Variants in PRPF8 observed in about 807,000 individuals in gnomAD.
PRPF8 encodes pre-mRNA-processing-splicing factor 8.
PRPF8 carries 64 observed loss-of-function variants against 285.9 expected under a neutral mutation model. The observed-to-expected ratio is 0.22, with a 90% CI of 0.18 to 0.28. The LOEUF is 0.28. Among genes scored for constraint, PRPF8 ranks in the 10% least tolerant of loss-of-function variants. The pLI, the probability that PRPF8 is intolerant of heterozygous loss-of-function variation, is 1.00. For synonymous variants in PRPF8, 1,325 were observed against 1,118.2 expected (o/e 1.18, Z -3.69); for missense variants, 1,426 against 3,026.7 (o/e 0.47, Z 12.41).
intron 36 of PRPF8, among the ~76,000 whole-genome samples, chr17:1,655,867 C>T (rs187459396): frequency 0.013 from 1,982 of 151,030 alleles, 43 homozygotes; most frequent in African/African-American, 0.046. Flanking sequence ...ACCTCGTGAT[C>T]CGCCGCCTCG....
In PRPF8 at chr17:1,676,452, C is replaced by T; in HGVS notation, c.2388+53G>A. 1 of 1,614,018 alleles carries T rather than the reference C, an allele frequency of 6.2e-7. No homozygotes were observed. Among genetic ancestry groups the T allele is most frequent in the South Asian group, 1.1e-5 (1 of 91,082 alleles). On this transcript the variant is annotated intron_variant, in intron 16 of 42. Transcript: ENST00000304992. The surrounding 1 kb of genome is among the most constrained non-coding windows in gnomAD (Gnocchi z 6.3). The stretch of plus-strand genomic sequence containing the variant: ...GTTCAGTCACAACTCTACAGTCCTC[C>T]CTCTTGCCCACTCCCCCACCACTCA...
chr17:1,657,999 G>A lies in PRPF8; in HGVS notation c.5505+254C>T, dbSNP rs567291016. Among the ~76,000 whole-genome samples, 60 of 150,270 alleles carry A rather than the reference G, an allele frequency of 4.0e-4. No individual in the cohort carries two copies. The East Asian group carries it at 9.2e-3, about 23-fold the overall frequency. Reference sequence around the variant, plus strand: ...AAAAAAAAAAAAAAAAAGAGTATGCGTTGCCTTTGGAAAAATGATTTTTGA... The same window carrying A: ...AAAAAAAAAAAAAAAAAGAGTATGCATTGCCTTTGGAAAAATGATTTTTGA... On this transcript the variant is annotated intron_variant, in intron 34 of 42. Transcript: ENST00000304992.
At chr17:1,662,241 C>T in intron 24 of PRPF8, 88 bp from the exon 25 acceptor site, 4 of 1,443,902 alleles carry the variant, frequency 2.8e-6, no homozygotes, top group Non-Finnish European at 3.8e-6. Context: ...TTTATCCCTA[C>T]TACTAAAGAA....
chr17:1,655,775 T>A (rs1911345226), intron 36 of PRPF8, among the ~76,000 whole-genome samples: 3 of 151,954 alleles, frequency 2.0e-5, no homozygotes, highest in Admixed American at 1.3e-4. Flanking sequence ...GACAGGCACC[T>A]GCCACCACGC....
intron 36 of PRPF8, 25 bp downstream of exon 36, chr17:1,656,367 G>T: frequency 6.2e-7 from 1 of 1,614,044 alleles, no homozygotes; most frequent in Non-Finnish European, 8.5e-7. Flanking sequence ...CTCCTCCAGC[G>T]ATCTTCTCTT....
intron 34 of PRPF8, among the ~76,000 whole-genome samples, chr17:1,657,427 C>T (rs1345101661): frequency 2.0e-5 from 3 of 152,022 alleles, no homozygotes; most frequent in African/African-American, 2.4e-5. Context: ...GGGCGGATCA[C>T]GAGGTCAGGA....
At position 1,658,245 on chromosome 17, in the gene PRPF8, C is replaced by G. The variant is rs1435027277; in HGVS notation, c.5505+8G>C. 1 of 1,614,150 alleles carries G rather than the reference C, an allele frequency of 6.2e-7. No homozygotes were observed. The highest frequency in any genetic ancestry group is 1.1e-5 in the South Asian group (1 of 91,084). Reference sequence around the variant, plus strand: ...TTCTACAGCCTCTTCATCTTTAAACCTGCTCACCTGCCCCAAACGCTTCTG... The same window carrying G: ...TTCTACAGCCTCTTCATCTTTAAACGTGCTCACCTGCCCCAAACGCTTCTG... On this transcript the variant is annotated splice_region_variant and intron_variant, in intron 34 of 42. Coordinates refer to ENST00000304992, the MANE Select transcript of PRPF8 (RefSeq NM_006445.4). This position sits in a 1 kb window ranked among gnomAD's most constrained non-coding sequence, Gnocchi z 4.1.
rs1912815707 is a variant in PRPF8 at position 1,679,909 on chromosome 17, TG to T, written c.1099-111del. 7.6e-6 allele frequency: 10 copies of T among 1,323,910 alleles called. No homozygotes were observed. Among genetic ancestry groups the T allele is most frequent in the Admixed American group, 3.4e-5 (2 of 58,630 alleles). 82.0% of individuals were successfully genotyped at this position (1,323,910 alleles called of 1,614,324 possible). ...CAAAGCCTGTATCTGCTATGGAAACTGGGCTGTCTGACAAAAGCAGCCCTGA... is the reference window on the plus strand; with the variant it reads ...CAAAGCCTGTATCTGCTATGGAAACTGGCTGTCTGACAAAAGCAGCCCTGA... On this transcript the variant is annotated intron_variant, in intron 8 of 42. Coordinates refer to ENST00000304992, the MANE Select transcript of PRPF8 (RefSeq NM_006445.4). The surrounding 1 kb of genome is among the most constrained non-coding windows in gnomAD (Gnocchi z 4.7).
In PRPF8 at chr17:1,676,681, T is replaced by C; in HGVS notation, c.2212A>G (p.Met738Val). 6.2e-7 allele frequency: 1 copy of C among 1,614,086 alleles called. No homozygotes were observed. Among genetic ancestry groups the C allele is most frequent in the Non-Finnish European group, 8.5e-7 (1 of 1,180,030 alleles). Residue 738 changes from methionine to valine, a missense_variant, in exon 16 of 43, where the codon ATG becomes GTG. By Grantham distance (21) the Met-to-Val change is conservative. Around this residue, in one of 34 missense-constraint regions of PRPF8, gnomAD observed 30 missense variants for 61.0 expected, o/e 0.49. Transcript: ENST00000304992. The surrounding 1 kb of genome is among the most constrained non-coding windows in gnomAD (Gnocchi z 6.3). ...VPGLPTPIEN[M>V]ILRYVKAKAD... is the part of the protein sequence containing the mutation. ...TTGGCCTTCACGTATCGAAGGATCA[T>C]ATTCTCTATGGGCGTCGGCAGCCCA...
At chr17:1,667,877 T>C (rs1457126813) in intron 24 of PRPF8, among the ~76,000 whole-genome samples, 1 of 152,124 alleles carries the variant, frequency 6.6e-6, no homozygotes, top group Non-Finnish European at 1.5e-5. Flanking sequence ...AGGATCTTGC[T>C]ATGTTGCCTA....
At position 1,658,596 on chromosome 17, in the gene PRPF8, C is replaced by T; in HGVS notation, c.5306G>A (p.Gly1769Asp). The change falls in exon 33 of 43, where the codon GGT (glycine) becomes GAT (aspartate). Residue 1769 changes from glycine to aspartate, a missense_variant. Physicochemically the swap from Gly to Asp is moderately conservative, Grantham distance 94. Coordinates refer to ENST00000304992, the MANE Select transcript of PRPF8 (RefSeq NM_006445.4). This position sits in a 1 kb window ranked among gnomAD's most constrained non-coding sequence, Gnocchi z 4.1. ...TEPYLSSQNY[G>D]ELFSNQIIWF... ...GATAATCTGGTTGGAGAAGAGCTCACCATAGTTCTGAGAAGACAAATAAGG... is the reference window on the plus strand; with the variant it reads ...GATAATCTGGTTGGAGAAGAGCTCATCATAGTTCTGAGAAGACAAATAAGG... 6.2e-7 allele frequency: 1 copy of T among 1,614,154 alleles called. No individual in the cohort carries two copies. Among genetic ancestry groups the T allele is most frequent in the Non-Finnish European group, 8.5e-7 (1 of 1,180,002 alleles).
At chr17:1,671,240 G>A (rs972708268) in intron 24 of PRPF8, among the ~76,000 whole-genome samples, 1 of 152,138 alleles carries the variant, frequency 6.6e-6, no homozygotes, top group Non-Finnish European at 1.5e-5. Context: ...CTGGGCTAGA[G>A]CAATCACTAA....
At chr17:1,677,830 G>T in intron 13 of PRPF8, 136 bp from the exon 14 acceptor site, 6 of 1,123,484 alleles carry the variant, frequency 5.3e-6, no homozygotes, top group East Asian at 5.2e-5. Flanking sequence ...GGGGTAAAAA[G>T]AAAAAAAAAC....
intron 30 of PRPF8, 127 bp from the exon 31 acceptor site, chr17:1,660,128 CAA>C: frequency 8.3e-7 from 1 of 1,198,414 alleles, no homozygotes; most frequent in Non-Finnish European, 1.2e-6. Flanking sequence ...TTCCCATATG[CAA>C]AAGAGCAAGC....
intron 24 of PRPF8, among the ~76,000 whole-genome samples, chr17:1,666,630 T>TAA (rs1255344055): frequency 6.6e-6 from 1 of 151,456 alleles, no homozygotes; most frequent in African/African-American, 2.4e-5. Context: ...AAAAGCTGAA[T>TAA]AAAACAAGAT....
intron 3 of PRPF8, among the ~76,000 whole-genome samples, chr17:1,682,728 A>G (rs990468155): frequency 6.6e-6 from 1 of 152,224 alleles, no homozygotes; most frequent in Non-Finnish European, 1.5e-5. Context: ...CAGCCAGCAC[A>G]GTTCTCTAAG....
chr17:1,683,780 G>T, intron 2 of PRPF8, 79 bp from the exon 3 acceptor site: 1 of 1,549,712 alleles, frequency 6.5e-7, no homozygotes, highest in Non-Finnish European at 8.8e-7. Context: ...GTAAGCTCCT[G>T]TCAGTGAGTG....
At chr17:1,652,064 G>C (rs1911107596) in intron 39 of PRPF8, 1 of 558,230 alleles carries the variant, frequency 1.8e-6, no homozygotes, top group Admixed American at 3.0e-5. Flanking sequence ...GTATTCACAA[G>C]CAAATGAGCA....
chr17:1,672,814 A>G, intron 24 of PRPF8: 2 of 569,464 alleles, frequency 3.5e-6, no homozygotes, highest in Non-Finnish European at 6.3e-6. Flanking sequence ...TCTGTTCAAA[A>G]TAATAAATCC....
Sources: allele counts gnomAD v4.1 joint callset (sites outside exome capture counted in the v4.1 genomes callset), GRCh38; gene constraint gnomAD v4.1.1; regional missense constraint gnomAD v4.1.1; non-coding constraint Gnocchi (gnomAD v3.1); transcripts MANE v1.5; gene names NCBI Gene and HGNC (gene_info 2026-07-23, HGNC 2026-07-21).